The following TMED3 variants were observed in gnomAD, a reference collection of about 807,000 sequenced individuals.
The protein encoded by TMED3 is transmembrane emp24 domain-containing protein 3.
A neutral mutation model predicts 15.0 loss-of-function variants in TMED3; 9 were observed. That is an observed-to-expected ratio of 0.60 (90% CI 0.36 to 1.04). The LOEUF (loss-of-function observed/expected upper bound fraction) is 1.04. TMED3 is among the 50% of genes least tolerant of loss of function. TMED3 has a pLI of 0.01. For missense variants in TMED3, 267 were observed against 278.9 expected (o/e 0.96, Z 0.30); for synonymous variants, 117 against 121.4 (o/e 0.96, Z 0.24).
At chr15:79,339,423 C>T (rs1348288844) in intron 2 of TMED3, among the ~76,000 whole-genome samples, 3 of 152,196 alleles carry the variant, frequency 2.0e-5, no homozygotes, top group African/African-American at 4.8e-5. Context: ...TACACTCTCT[C>T]ATCTCCGCAC....
chr15:79,398,565 T>C (rs1486084284), intron 2 of TMED3, among the ~76,000 whole-genome samples: 1 of 126,308 alleles, frequency 7.9e-6, no homozygotes. Flanking sequence ...GCTGTGAGAA[T>C]AGAAGAAGAT....
rs145464458 is a variant in TMED3 at position 79,392,306 on chromosome 15, C to T, written c.418-19094C>T. On this transcript the variant is annotated intron_variant, in intron 2 of 2. Coordinates refer to the TMED3 transcript ENST00000424155. Reference sequence around the variant, plus strand: ...TCTTGTAGTGGTAGCCTGGGAGTGGCGAATTCTCTCAGCATTTGTTCATCT... The same window carrying T: ...TCTTGTAGTGGTAGCCTGGGAGTGGTGAATTCTCTCAGCATTTGTTCATCT... 5.4e-4 allele frequency among the ~76,000 whole-genome samples: 82 copies of T among 152,254 alleles called. 1 individual carries two copies. In the East Asian group the frequency reaches 0.013, roughly 25 times the overall value.
intron 2 of TMED3, among the ~76,000 whole-genome samples, chr15:79,334,497 G>A (rs1349305794): frequency 6.6e-6 from 1 of 152,118 alleles, no homozygotes; most frequent in Non-Finnish European, 1.5e-5. Flanking sequence ...AGGAGATGTG[G>A]CAGGTGAAGG....
downstream of TMED3, among the ~76,000 whole-genome samples, chr15:79,324,896 G>A (rs1488539225): frequency 1.3e-5 from 2 of 152,220 alleles, no homozygotes; most frequent in Non-Finnish European, 2.9e-5. Context: ...GTAAGGTACT[G>A]AACCTCTCTG....
chr15:79,337,015 A>G (rs547392559), intron 2 of TMED3, among the ~76,000 whole-genome samples: 2 of 152,326 alleles, frequency 1.3e-5, no homozygotes, highest in South Asian at 2.1e-4. Context: ...AGGCCTCACT[A>G]CTACCAAGCC....
At chr15:79,382,571 C>T (rs1334922798) in intron 2 of TMED3, among the ~76,000 whole-genome samples, 1 of 152,200 alleles carries the variant, frequency 6.6e-6, no homozygotes, top group African/African-American at 2.4e-5. Context: ...CACAGTGGCC[C>T]TCTGGCCTTC....
intron 2 of TMED3, among the ~76,000 whole-genome samples, chr15:79,398,807 A>C (rs938157383): frequency 6.6e-6 from 1 of 152,060 alleles, no homozygotes; most frequent in Non-Finnish European, 1.5e-5. Context: ...AAGTTTCCAC[A>C]TAAAATTACC....
intron 2 of TMED3, among the ~76,000 whole-genome samples, chr15:79,376,706 A>T (rs1217216128): frequency 5.3e-5 from 8 of 152,248 alleles, no homozygotes; most frequent in Non-Finnish European, 2.9e-5. Flanking sequence ...AATTGTTAAC[A>T]TTGGGTTACT....
chr15:79,394,677 T>A (rs980805495), intron 2 of TMED3, among the ~76,000 whole-genome samples: 3 of 152,238 alleles, frequency 2.0e-5, no homozygotes, highest in African/African-American at 7.2e-5. Context: ...TTCTTTCTCC[T>A]GCTACGTTTA....
intron 2 of TMED3, among the ~76,000 whole-genome samples, chr15:79,405,375 A>G (rs559704604): frequency 1.3e-5 from 2 of 152,302 alleles, no homozygotes; most frequent in African/African-American, 2.4e-5. Context: ...TGGGAGCTCA[A>G]TATAAATTGG....
chr15:79,395,516 A>T (rs1367029319), intron 2 of TMED3, among the ~76,000 whole-genome samples: 3 of 152,194 alleles, frequency 2.0e-5, no homozygotes, highest in Non-Finnish European at 4.4e-5. Context: ...TACTTAATTT[A>T]AAAATATTTA....
chr15:79,409,904 G>T (rs976026896), intron 2 of TMED3, among the ~76,000 whole-genome samples: 2 of 152,074 alleles, frequency 1.3e-5, no homozygotes, highest in African/African-American at 4.8e-5. Context: ...TAAGCTAGAG[G>T]ATACAGAAGA....
intron 2 of TMED3, among the ~76,000 whole-genome samples, chr15:79,366,325 C>T (rs1893234208): frequency 6.6e-6 from 1 of 152,236 alleles, no homozygotes; most frequent in Non-Finnish European, 1.5e-5. Context: ...CTGCCCATTG[C>T]TCTCTTGCAA....
rs527653645 is a variant in TMED3, at chr15:79,322,541, C to G, written c.*327C>G. ...GCAGGAACTCCAAGTGCCCAGGCCT[C>G]TTGGGCAGCTTAGGGCCCTGCCTCT... On this transcript the variant is annotated 3_prime_UTR_variant, in exon 3 of 3. Coordinates refer to ENST00000299705, the MANE Select transcript of TMED3 (RefSeq NM_007364.4). The G allele has an allele frequency of 8.7e-7, 1 of 1,151,124 alleles. No individual in the cohort carries two copies. The highest frequency in any genetic ancestry group is 5.3e-5 in the East Asian group (1 of 18,746). 71.3% of individuals were successfully genotyped at this position (1,151,124 alleles called of 1,614,324 possible). A position where few individuals can be genotyped will look rare whatever the true frequency, so the allele number is the denominator to read the frequency against.
chr15:79,314,142 T>G (rs1247459731), intron 2 of TMED3, 137 bp downstream of exon 2: 5 of 1,138,286 alleles, frequency 4.4e-6, no homozygotes, highest in Non-Finnish European at 6.1e-6. Flanking sequence ...TTTTGTCTCT[T>G]TCTTCATACC....
chr15:79,385,924 T>C (rs1893621567), intron 2 of TMED3, among the ~76,000 whole-genome samples: 2 of 152,208 alleles, frequency 1.3e-5, no homozygotes, highest in African/African-American at 4.8e-5. Context: ...TTACAAATGA[T>C]AAAACAACTG....
intron 2 of TMED3, among the ~76,000 whole-genome samples, chr15:79,400,890 C>T (rs1373715323): frequency 6.6e-6 from 1 of 152,244 alleles, no homozygotes; most frequent in African/African-American, 2.4e-5. Context: ...CATGAGAATG[C>T]GGCATACATT....
intron 2 of TMED3, chr15:79,316,038 G>A (rs1471661429): frequency 2.0e-5 from 3 of 152,366 alleles, no homozygotes; most frequent in Admixed American, 1.3e-4. Context: ...GATTTATGGA[G>A]TGTAACTTTC....
rs572600866 is a variant in TMED3, at chr15:79,390,173, C to T, written c.418-21227C>T. On this transcript the variant is annotated intron_variant, in intron 2 of 2. Transcript: ENST00000424155. ...GGCTTCCCTATCTTGTTCCAGTTCT[C>T]AGAGGGAATGCTTTCAACTTTTCCC... is the stretch of plus-strand genomic sequence containing the variant. 7.2e-5 allele frequency among the ~76,000 whole-genome samples: 11 copies of T among 152,222 alleles called. No homozygotes were observed. In the East Asian group the frequency reaches 1.9e-3, roughly 27 times the overall value.
Sources: allele counts gnomAD v4.1 joint callset (sites outside exome capture counted in the v4.1 genomes callset), GRCh38; gene constraint gnomAD v4.1.1; transcripts MANE v1.5; gene names NCBI Gene and HGNC (gene_info 2026-07-23, HGNC 2026-07-21).